Variants in GRM8 observed in about 807,000 individuals in gnomAD.
The protein encoded by GRM8 is glutamate metabotropic receptor 8, also known as metabotropic glutamate receptor 8.
In GRM8, 47 loss-of-function variants were observed where a neutral mutation model predicts 87.2. That is an observed-to-expected ratio of 0.54 (90% CI 0.43 to 0.69). The LOEUF is 0.69. GRM8 is among the 30% of genes least tolerant of loss of function. The pLI, the probability that GRM8 is intolerant of heterozygous loss-of-function variation, is 0.00. For synonymous variants in GRM8, 396 were observed against 404.5 expected, an observed-to-expected ratio of 0.98 and a Z score of 0.25; for missense variants, 1,019 against 1,139.2, an observed-to-expected ratio of 0.89 and a Z score of 1.52.
At chr7:126,469,873 T>C (rs1804958845) in intron 9 of GRM8, among the ~76,000 whole-genome samples, 1 of 152,144 alleles carries the variant, frequency 6.6e-6, no homozygotes, top group Non-Finnish European at 1.5e-5. Flanking sequence ...ACTGTGGAAC[T>C]GTGGAACTGG....
chr7:126,527,990 G>T (rs1260570770), intron 9 of GRM8, among the ~76,000 whole-genome samples: 1 of 152,174 alleles, frequency 6.6e-6, no homozygotes, highest in East Asian at 1.9e-4. Flanking sequence ...CGGATCATGA[G>T]GTCAAGAGAT....
chr7:126,548,022 G>A (rs575226707), intron 8 of GRM8, among the ~76,000 whole-genome samples: 62 of 152,166 alleles, frequency 4.1e-4, no homozygotes, highest in African/African-American at 1.4e-3. Context: ...AAAAAGATGC[G>A]AAGAATATCC....
intron 7 of GRM8, among the ~76,000 whole-genome samples, chr7:126,658,974 G>C (rs1250277016): frequency 6.6e-6 from 1 of 152,050 alleles, no homozygotes; most frequent in Non-Finnish European, 1.5e-5. Flanking sequence ...ATTCAGTACA[G>C]ATATAAAGAC....
intron 6 of GRM8, among the ~76,000 whole-genome samples, chr7:126,888,114 A>G (rs1800672489): frequency 1.3e-5 from 2 of 152,078 alleles, no homozygotes; most frequent in African/African-American, 4.8e-5. Context: ...GTACAAATAC[A>G]CAAAAGAGGG....
intron 3 of GRM8, chr7:127,080,862 A>G (rs1401975424): frequency 6.6e-6 from 1 of 152,138 alleles, no homozygotes; most frequent in Non-Finnish European, 1.5e-5. Flanking sequence ...CAGCCAACAC[A>G]CTTCCAGACT....
chr7:126,548,911 C>A (rs1434869870), intron 8 of GRM8, among the ~76,000 whole-genome samples: 1 of 152,048 alleles, frequency 6.6e-6, no homozygotes, highest in Non-Finnish European at 1.5e-5. Context: ...ATTTAATAAG[C>A]ATTTTAAAGA....
intron 6 of GRM8, among the ~76,000 whole-genome samples, chr7:126,855,115 A>C (rs550782737): frequency 6.6e-6 from 1 of 152,288 alleles, no homozygotes; most frequent in African/African-American, 2.4e-5. Context: ...ATATATTTTT[A>C]ATTGAATTAC....
At chr7:126,769,119 C>A (rs1361021178) in intron 7 of GRM8, among the ~76,000 whole-genome samples, 1 of 152,006 alleles carries the variant, frequency 6.6e-6, no homozygotes, top group African/African-American at 2.4e-5. Context: ...CAGCTCAGAG[C>A]ATTCTATCAT....
chr7:126,642,109 T>C (rs1198833469), intron 7 of GRM8, among the ~76,000 whole-genome samples: 1 of 152,152 alleles, frequency 6.6e-6, no homozygotes, highest in Non-Finnish European at 1.5e-5. Flanking sequence ...ACTGAATAAA[T>C]GGTAGCTCTT....
In GRM8 at chr7:126,805,639, T is replaced by G. The variant is rs1792598097; in HGVS notation, c.1157-35574A>C. 2.6e-5 allele frequency among the ~76,000 whole-genome samples: 4 copies of G among 152,222 alleles called. No homozygotes were observed. The South Asian group carries it at 8.3e-4, about 31-fold the overall frequency. On this transcript the variant is annotated intron_variant, in intron 6 of 10. Transcript: ENST00000339582. The stretch of plus-strand genomic sequence containing the variant: ...TCCATGCAGATGTGGAAAGTCAGCA[T>G]GAGGTCTGAACTCAGCTATCTTTTC...
intron 3 of GRM8, among the ~76,000 whole-genome samples, chr7:126,918,516 G>A (rs753820900): frequency 2.6e-5 from 4 of 152,232 alleles, no homozygotes; most frequent in Non-Finnish European, 5.9e-5. Flanking sequence ...ACCACTGGAA[G>A]AGGAAATAGC....
At chr7:126,651,908 C>G (rs911047331) in intron 7 of GRM8, among the ~76,000 whole-genome samples, 2 of 152,160 alleles carry the variant, frequency 1.3e-5, no homozygotes, top group Non-Finnish European at 2.9e-5. Context: ...TGGCCAAGAC[C>G]CTTCAGGAAT....
chr7:126,678,492 GGGGCAAGGA>G, intron 7 of GRM8, among the ~76,000 whole-genome samples: 1 of 152,254 alleles, frequency 6.6e-6, no homozygotes, highest in South Asian at 2.1e-4. Context: ...ATTCTTTTGG[GGGGCAAGGA>G]GAGGAAAAAT....
At chr7:126,495,117 C>G (rs1182107123) in intron 9 of GRM8, among the ~76,000 whole-genome samples, 1 of 151,942 alleles carries the variant, frequency 6.6e-6, no homozygotes, top group African/African-American at 2.4e-5. Flanking sequence ...TGCAACAGTT[C>G]TGGTACAGAG....
At position 126,598,075 on chromosome 7, in the gene GRM8, C is replaced by G. The variant is rs1026917284; in HGVS notation, c.1494+11287G>C. ...CCTAGCCTTCTTAATTCCCCTCCCC[C>G]ACTCCTCCCTGCCTTTGCTAACCAT... On this transcript the variant is annotated intron_variant, in intron 8 of 10. Transcript: ENST00000339582. Among the ~76,000 whole-genome samples, 8 of 152,130 alleles carry G rather than the reference C, an allele frequency of 5.3e-5. No homozygotes were observed. The South Asian group carries it at 8.3e-4, about 16-fold the overall frequency.
At chr7:126,477,923 C>T (rs530042904) in intron 9 of GRM8, among the ~76,000 whole-genome samples, 2 of 152,224 alleles carry the variant, frequency 1.3e-5, no homozygotes, top group African/African-American at 4.8e-5. Flanking sequence ...CCATGCAGTT[C>T]TCTTTCCCTC....
chr7:127,180,711 C>A (rs1418518909), intron 2 of GRM8, among the ~76,000 whole-genome samples: 1 of 150,376 alleles, frequency 6.6e-6, no homozygotes. Flanking sequence ...AGTCAATAAA[C>A]ACACCACATA....
At chr7:126,606,283 C>CATA (rs1165028222) in intron 8 of GRM8, among the ~76,000 whole-genome samples, 1 of 152,162 alleles carries the variant, frequency 6.6e-6, no homozygotes, top group Non-Finnish European at 1.5e-5. Flanking sequence ...GACTCATTAT[C>CATA]TATCAGGTGT....
intron 6 of GRM8, among the ~76,000 whole-genome samples, chr7:126,778,271 G>A (rs181372482): frequency 7.6e-4 from 116 of 152,248 alleles, no homozygotes; most frequent in African/African-American, 2.7e-3. Flanking sequence ...GGAGACACTT[G>A]TAAATCAACC....
Sources: gnomAD v4.1 joint callset for allele counts (sites outside exome capture counted in the v4.1 genomes callset) on GRCh38, gnomAD v4.1.1 for gene constraint, MANE v1.5 for transcripts, NCBI Gene and HGNC (gene_info 2026-07-23, HGNC 2026-07-21) for gene names.